The following CELSR1 variants were observed in gnomAD, a reference collection of about 807,000 sequenced individuals.
CELSR1 encodes the protein adhesion G protein-coupled receptor C1.
Under a neutral mutation model 249.1 loss-of-function variants are expected in CELSR1, and 110 were observed. That is an observed-to-expected ratio of 0.44 (90% CI 0.38 to 0.52). The LOEUF (loss-of-function observed/expected upper bound fraction) is 0.52. Among genes scored for constraint, CELSR1 ranks in the 20% least tolerant of loss-of-function variants. The pLI, the probability that CELSR1 is intolerant of heterozygous loss-of-function variation, is 0.00. For missense variants in CELSR1, 4,109 were observed against 4,296.4 expected, an observed-to-expected ratio of 0.96 and a Z score of 1.22; for synonymous variants, 2,113 against 1,900.0, an observed-to-expected ratio of 1.11 and a Z score of -2.92.
chr22:46,366,390 C>T lies in CELSR1; in HGVS notation c.8296G>A (p.Val2766Ile), dbSNP rs757174874. ...AACCCGGAGCTGCGGCCTGACCTGA[C>T]GATGCTGTCCAGCGAGGCGGTGGAC... Reference protein sequence around the residue: ...GESTASLDSIVRDEGIQKLGV... With the variant: ...GESTASLDSIIRDEGIQKLGV... Residue 2766 changes from valine to isoleucine, a missense_variant, in exon 30 of 35, where the codon GTC becomes ATC. By Grantham distance (29) the Val-to-Ile change is conservative (BLOSUM62 3). Around this residue, in one of 7 missense-constraint regions of CELSR1, gnomAD observed 1,805 missense variants for 1,831.6 expected, o/e 0.99. Coordinates refer to ENST00000674500, the MANE Select transcript of CELSR1 (RefSeq NM_001378328.1). The T allele has an allele frequency of 2.7e-5, 42 of 1,548,214 alleles. No individual in the cohort carries two copies. Among genetic ancestry groups the T allele is most frequent in the South Asian group, 7.2e-5 (6 of 83,832 alleles).
At chr22:46,521,327 A>C (rs2080682816) in intron 1 of CELSR1, among the ~76,000 whole-genome samples, 1 of 152,044 alleles carries the variant, frequency 6.6e-6, no homozygotes, top group South Asian at 2.1e-4. Context: ...CACACAGTGA[A>C]ATCCCGTCTC....
rs932068963 is a variant in CELSR1, at chr22:46,447,601, C to T, written c.4184-8190G>A. Among the ~76,000 whole-genome samples, 5 of 152,198 alleles carry T rather than the reference C, an allele frequency of 3.3e-5. No individual in the cohort carries two copies. The highest frequency in any genetic ancestry group is 4.8e-5 in the African/African-American group (2 of 41,454). On this transcript the variant is annotated intron_variant, in intron 2 of 34. Coordinates refer to ENST00000674500, the MANE Select transcript of CELSR1 (RefSeq NM_001378328.1). This position sits in a 1 kb window ranked among gnomAD's most constrained non-coding sequence, Gnocchi z 4.7. ...GCTCCCCCTCTCCCCGTAGGAGGGA[C>T]GCAGGGCTCAGCTTCCTGGCTATAG... is the stretch of plus-strand genomic sequence containing the variant.
At chr22:46,505,186 C>G (rs1055393781) in intron 1 of CELSR1, among the ~76,000 whole-genome samples, 1 of 131,546 alleles carries the variant, frequency 7.6e-6, no homozygotes, top group Non-Finnish European at 1.5e-5. Context: ...GGCGTGAACC[C>G]GGGAGGCAGA....
At chr22:46,377,449 T>C in intron 23 of CELSR1, 188 bp from the exon 24 acceptor site, 1 of 640,296 alleles carries the variant, frequency 1.6e-6, no homozygotes. Flanking sequence ...GCTCCTTCAA[T>C]GCCCTGGGCC....
At chr22:46,387,046 C>T (rs2079041428) in intron 18 of CELSR1, among the ~76,000 whole-genome samples, 2 of 152,092 alleles carry the variant, frequency 1.3e-5, no homozygotes. Context: ...GCGTGAGCCA[C>T]CACGCCTGGC....
At position 46,387,638 on chromosome 22, in the gene CELSR1, C is replaced by T. The variant is rs566042255; in HGVS notation, c.6556-1053G>A. On this transcript the variant is annotated intron_variant, in intron 18 of 34. Coordinates refer to ENST00000674500, the MANE Select transcript of CELSR1 (RefSeq NM_001378328.1). ...CCTCCCAAAGTGCTGGGATTACAGG[C>T]GTGAGCGACCGCGCCCGGCCAGAAG... 5.3e-5 allele frequency among the ~76,000 whole-genome samples: 8 copies of T among 152,234 alleles called. No homozygotes were observed. The South Asian group carries it at 1.4e-3, about 28-fold the overall frequency.
chr22:46,379,738 G>C (rs1271965555), intron 22 of CELSR1, among the ~76,000 whole-genome samples: 1 of 152,200 alleles, frequency 6.6e-6, no homozygotes, highest in Non-Finnish European at 1.5e-5. Context: ...ACTGTGCCCA[G>C]GGCAACTGTG....
In CELSR1 at chr22:46,484,824, G is replaced by A. The variant is rs2080298845; in HGVS notation, c.3545-20479C>T. On this transcript the variant is annotated intron_variant, in intron 1 of 34. Transcript: ENST00000674500. This position sits in a 1 kb window ranked among gnomAD's most constrained non-coding sequence, Gnocchi z 4.5. ...TATCATCCTTGTTACTTCCAGGGAC[G>A]CCTCCCTCCAATTTAGTGAATGGCG... Among the ~76,000 whole-genome samples, 1 of 148,854 alleles carries A rather than the reference G, an allele frequency of 6.7e-6. No individual in the cohort carries two copies. Among genetic ancestry groups the A allele is most frequent in the Admixed American group, 6.8e-5 (1 of 14,682 alleles).
intron 5 of CELSR1, among the ~76,000 whole-genome samples, chr22:46,420,268 A>C (rs1393291168): frequency 6.6e-6 from 1 of 151,126 alleles, no homozygotes; most frequent in Non-Finnish European, 1.5e-5. Flanking sequence ...ACTCGCCCAC[A>C]CACGTGCACT....
chr22:46,524,310 C>T (rs1051768501), intron 1 of CELSR1, among the ~76,000 whole-genome samples: 3 of 152,246 alleles, frequency 2.0e-5, no homozygotes, highest in Non-Finnish European at 4.4e-5. Flanking sequence ...TCAATCACCC[C>T]TGCTCTGGGC....
intron 1 of CELSR1, among the ~76,000 whole-genome samples, chr22:46,467,217 G>T (rs1241836350): frequency 1.3e-5 from 2 of 152,144 alleles, no homozygotes; most frequent in Non-Finnish European, 2.9e-5. Context: ...ACTTTAATTT[G>T]CTACATCCCG....
chr22:46,438,442 C>T (rs1026852808), intron 3 of CELSR1, among the ~76,000 whole-genome samples: 2 of 152,154 alleles, frequency 1.3e-5, no homozygotes, highest in African/African-American at 4.8e-5. Flanking sequence ...AGTGTCACTG[C>T]CCTGGAAGCT....
In CELSR1 at chr22:46,389,616, T is replaced by TA. The variant is rs111476449; in HGVS notation, c.6346-118dup. On this transcript the variant is annotated intron_variant, in intron 17 of 34. Coordinates refer to ENST00000674500, the MANE Select transcript of CELSR1 (RefSeq NM_001378328.1). ...AAGTTTCCTTGTCAGAAAGGAACTT[T>TA]AAAAAATCCAAAAGCCTGGCTGGGC... 2.2e-5 allele frequency: 25 copies of TA among 1,155,996 alleles called. No homozygotes were observed. The East Asian group carries it at 5.3e-4, about 25-fold the overall frequency. 71.6% of individuals were successfully genotyped at this position (1,155,996 alleles called of 1,614,324 possible).
At chr22:46,449,396 A>ACATC (rs377600639) in intron 2 of CELSR1, among the ~76,000 whole-genome samples, 9 of 143,972 alleles carry the variant, frequency 6.3e-5, no homozygotes, top group Non-Finnish European at 1.3e-4. Context: ...CACCCATCAC[A>ACATC]CATCCATCCA....
intron 1 of CELSR1, among the ~76,000 whole-genome samples, chr22:46,465,089 G>A (rs1307738891): frequency 3.3e-5 from 5 of 152,178 alleles, no homozygotes; most frequent in African/African-American, 7.2e-5. Context: ...TTGCAAAGTC[G>A]CATGCATCAT....
chr22:46,450,113 C>T (rs1160463559), intron 2 of CELSR1, among the ~76,000 whole-genome samples: 2 of 152,234 alleles, frequency 1.3e-5, no homozygotes, highest in African/African-American at 4.8e-5. Flanking sequence ...CACAGAAAAG[C>T]CCAGGCGGCT....
rs1320807572 is a variant in CELSR1, at chr22:46,409,594, C to G, written c.5059+161G>C. ...GAGCAGGGGCTCTGCGGAGGACAGTCTCTTGGAGAGGGCGGTGTGAGTCCA... is the reference window on the plus strand; with the variant it reads ...GAGCAGGGGCTCTGCGGAGGACAGTGTCTTGGAGAGGGCGGTGTGAGTCCA... On this transcript the variant is annotated intron_variant, in intron 8 of 34. Coordinates refer to ENST00000674500, the MANE Select transcript of CELSR1 (RefSeq NM_001378328.1). The surrounding 1 kb of genome is among the most constrained non-coding windows in gnomAD (Gnocchi z 9.8). Among the ~76,000 whole-genome samples the G allele has an allele frequency of 6.6e-6, 1 of 152,116 alleles. No homozygotes were observed. The highest frequency in any genetic ancestry group is 1.5e-5 in the Non-Finnish European group (1 of 68,002).
In CELSR1 at chr22:46,363,228, T is replaced by G. The variant is rs375589385; in HGVS notation, c.9055A>C (p.Ile3019Leu). 1 of 1,613,282 alleles carries G rather than the reference T, an allele frequency of 6.2e-7. No individual in the cohort carries two copies. The highest frequency in any genetic ancestry group is 1.1e-5 in the South Asian group (1 of 91,074). ...SDSEGSNETS[I>L] Reference sequence around the variant, plus strand: ...GAAGTTTCATTACTGATGGTTCAAATTGAAGTTTCATTACTGCCTCTGCGC... The same window carrying G: ...GAAGTTTCATTACTGATGGTTCAAAGTGAAGTTTCATTACTGCCTCTGCGC... Residue 3019 changes from isoleucine (I) to leucine (L), a missense_variant, in exon 35 of 35, where the codon ATT becomes CTT. Ile to Leu is a conservative substitution (Grantham distance 5, BLOSUM62 2). This residue lies in a region of CELSR1 where 1,805 missense variants were observed against 1,831.6 expected (regional missense o/e 0.99). Transcript: ENST00000674500. This position sits in a 1 kb window ranked among gnomAD's most constrained non-coding sequence, Gnocchi z 4.3.
At chr22:46,370,057 C>T (rs1289551501) in intron 25 of CELSR1, 11 of 579,730 alleles carry the variant, frequency 1.9e-5, no homozygotes, top group African/African-American at 5.5e-5. Context: ...GTATCTGGGC[C>T]GGGGGCTGCT....
Sources: gnomAD v4.1 joint callset for allele counts (sites outside exome capture counted in the v4.1 genomes callset) on GRCh38, gnomAD v4.1.1 for gene constraint, gnomAD v4.1.1 regional missense constraint, Gnocchi (gnomAD v3.1) non-coding constraint, MANE v1.5 for transcripts, NCBI Gene and HGNC (gene_info 2026-07-23, HGNC 2026-07-21) for gene names.